Variants in EPHA6 observed in about 807,000 individuals in gnomAD.
The protein encoded by EPHA6 is ephrin type-A receptor 6.
In EPHA6, 50 loss-of-function variants were observed where a neutral mutation model predicts 112.0. That is an observed-to-expected ratio of 0.45 (90% confidence interval 0.36 to 0.56). EPHA6 has a LOEUF of 0.56. EPHA6 is among the 20% of genes least tolerant of loss of function. EPHA6 has a pLI of 0.00. For synonymous variants in EPHA6, 529 were observed against 490.7 expected (o/e 1.08, Z -1.03); for missense variants, 1,280 against 1,417.4 (o/e 0.90, Z 1.56).
intron 3 of EPHA6, among the ~76,000 whole-genome samples, chr3:97,082,978 G>T (rs537245373): frequency 6.6e-6 from 1 of 151,666 alleles, no homozygotes; most frequent in Middle Eastern, 3.4e-3. Flanking sequence ...AAATGCTTTG[G>T]CTTTATGATA....
chr3:96,972,135 G>A (rs1465636676), intron 2 of EPHA6, among the ~76,000 whole-genome samples: 2 of 151,754 alleles, frequency 1.3e-5, no homozygotes, highest in African/African-American at 2.4e-5. Flanking sequence ...TAGTCTTTTG[G>A]ATTCTATATC....
intron 2 of EPHA6, among the ~76,000 whole-genome samples, chr3:96,913,215 A>AC (rs1188083100): frequency 2.4e-4 from 30 of 123,108 alleles, no homozygotes; most frequent in African/African-American, 9.4e-4. Context: ...CACACACACC[A>AC]CACACACGGG....
Position 97,309,189 on chromosome 3 carries a change from T to G in EPHA6, c.1606+64902T>G, listed in dbSNP as rs554580403. Among the ~76,000 whole-genome samples, 16 of 151,774 alleles carry G rather than the reference T, an allele frequency of 1.1e-4. No individual in the cohort carries two copies. In the South Asian group the frequency reaches 3.1e-3, roughly 29 times the overall value. On this transcript the variant is annotated intron_variant, in intron 5 of 17. Transcript: ENST00000389672. ...ATTGTAAAACAATTTTTAATATTAT[T>G]TCTAACACAGTCTGACTATTTTATG... is the stretch of plus-strand genomic sequence containing the variant.
At chr3:97,636,721 G>A in intron 13 of EPHA6, among the ~76,000 whole-genome samples, 1 of 151,906 alleles carries the variant, frequency 6.6e-6, no homozygotes, top group East Asian at 1.9e-4. Flanking sequence ...GCTGCACTAT[G>A]GTTTGAAATC....
chr3:97,383,625 A>G (rs186111457), intron 5 of EPHA6, among the ~76,000 whole-genome samples: 368 of 152,216 alleles, frequency 2.4e-3, no homozygotes, highest in Admixed American at 5.4e-3. Flanking sequence ...CTAATCTTCT[A>G]GATTAGCATT....
intron 2 of EPHA6, among the ~76,000 whole-genome samples, chr3:96,971,295 C>T (rs753533065): frequency 3.2e-4 from 48 of 152,068 alleles, no homozygotes; most frequent in South Asian, 4.1e-4. Flanking sequence ...AATTGTAAAA[C>T]TTAATTAGAC....
At chr3:97,213,693 A>G (rs77516510) in intron 3 of EPHA6, among the ~76,000 whole-genome samples, 1 of 152,228 alleles carries the variant, frequency 6.6e-6, no homozygotes, top group African/African-American at 2.4e-5. Context: ...GTCTTCTCCA[A>G]TGTGCCTACT....
intron 14 of EPHA6, among the ~76,000 whole-genome samples, chr3:97,667,640 T>C (rs544905458): frequency 6.6e-6 from 1 of 152,334 alleles, no homozygotes; most frequent in African/African-American, 2.4e-5. Flanking sequence ...CATCTTTATA[T>C]CTAAGTGCCT....
intron 10 of EPHA6, among the ~76,000 whole-genome samples, chr3:97,514,925 T>C (rs1159189690): frequency 6.6e-6 from 1 of 152,166 alleles, no homozygotes; most frequent in Non-Finnish European, 1.5e-5. Flanking sequence ...AATAAATGTC[T>C]GTTGTTTAAA....
chr3:96,905,252 C>T (rs895968956), intron 2 of EPHA6, among the ~76,000 whole-genome samples: 4 of 151,848 alleles, frequency 2.6e-5, no homozygotes, highest in Non-Finnish European at 4.4e-5. Context: ...TGTTAAAAAC[C>T]GAGTTCTTAA....
intron 11 of EPHA6, among the ~76,000 whole-genome samples, chr3:97,552,320 G>A (rs530561211): frequency 9.5e-4 from 145 of 152,188 alleles, no homozygotes; most frequent in African/African-American, 3.3e-3. Context: ...AATTGCTAAG[G>A]AGGCCCAGCC....
At chr3:97,160,163 G>A (rs928482441) in intron 3 of EPHA6, among the ~76,000 whole-genome samples, 1 of 152,078 alleles carries the variant, frequency 6.6e-6, no homozygotes, top group East Asian at 1.9e-4. Context: ...CAAGGTGGCC[G>A]GGAAAAAAGT....
At chr3:97,136,108 T>G (rs955858179) in intron 3 of EPHA6, among the ~76,000 whole-genome samples, 3 of 152,156 alleles carry the variant, frequency 2.0e-5, no homozygotes, top group African/African-American at 7.2e-5. Flanking sequence ...TTGTACATTT[T>G]CTTTCTAAGA....
At chr3:97,155,043 A>G (rs540589721) in intron 3 of EPHA6, among the ~76,000 whole-genome samples, 3 of 152,176 alleles carry the variant, frequency 2.0e-5, no homozygotes, top group Non-Finnish European at 4.4e-5. Flanking sequence ...CAACACTTTG[A>G]AGCTTCTATA....
chr3:96,883,938 G>A (rs1255540765), intron 2 of EPHA6, among the ~76,000 whole-genome samples: 3 of 152,104 alleles, frequency 2.0e-5, no homozygotes, highest in African/African-American at 7.2e-5. Context: ...TCCCCAAAGT[G>A]CTAGGATTAC....
chr3:97,376,901 T>C (rs909923915), intron 5 of EPHA6, among the ~76,000 whole-genome samples: 5 of 152,194 alleles, frequency 3.3e-5, no homozygotes, highest in Non-Finnish European at 7.3e-5. Flanking sequence ...TATCAGAATA[T>C]TTAGTAGAAC....
chr3:97,136,708 G>T (rs909603550), intron 3 of EPHA6, among the ~76,000 whole-genome samples: 5 of 152,150 alleles, frequency 3.3e-5, no homozygotes, highest in African/African-American at 1.2e-4. Flanking sequence ...ACTTCATAAA[G>T]TTTGAATGCA....
At chr3:97,413,549 A>C (rs1283770495) in intron 6 of EPHA6, among the ~76,000 whole-genome samples, 1 of 152,036 alleles carries the variant, frequency 6.6e-6, no homozygotes, top group Non-Finnish European at 1.5e-5. Flanking sequence ...GTAAATCTAC[A>C]TTTTACATAA....
intron 11 of EPHA6, among the ~76,000 whole-genome samples, chr3:97,589,029 T>C (rs2093517872): frequency 6.6e-6 from 1 of 152,198 alleles, no homozygotes; most frequent in Non-Finnish European, 1.5e-5. Context: ...TTTCCCAGAG[T>C]TTAAGTCAAG....
Sources: gnomAD v4.1 joint callset for allele counts (sites outside exome capture counted in the v4.1 genomes callset) on GRCh38, gnomAD v4.1.1 for gene constraint, MANE v1.5 for transcripts, NCBI Gene and HGNC (gene_info 2026-07-23, HGNC 2026-07-21) for gene names.